The following PARD6G variants were observed in gnomAD, a reference collection of about 807,000 sequenced individuals.
PARD6G encodes the protein partitioning defective 6 homolog gamma.
In PARD6G, 7 loss-of-function variants were observed where a neutral mutation model predicts 10.7. The observed-to-expected ratio is 0.66, with a 90% CI of 0.37 to 1.23. PARD6G has a LOEUF of 1.23. Among genes scored for constraint, PARD6G ranks in the 50% most tolerant of loss-of-function variants. The pLI is 0.02. For missense variants in PARD6G, 548 were observed against 571.8 expected, an observed-to-expected ratio of 0.96 and a Z score of 0.42; for synonymous variants, 287 against 269.4, an observed-to-expected ratio of 1.07 and a Z score of -0.64.
rs140802714 is a variant in PARD6G, at chr18:80,232,482, C to G, written c.72+14795G>C. Among the ~76,000 whole-genome samples the G allele has an allele frequency of 4.1e-3, 617 of 152,178 alleles. 25 individuals are homozygous for G. Among genetic ancestry groups the G allele is most frequent in the Admixed American group, 0.038 (577 of 15,288 alleles). Reference sequence around the variant, plus strand: ...GAATCATGGTGGGAGGTGAAAGGCACTTCTTACATGGTGGCAGCAAGAAAA... The same window carrying G: ...GAATCATGGTGGGAGGTGAAAGGCAGTTCTTACATGGTGGCAGCAAGAAAA... On this transcript the variant is annotated intron_variant, in intron 1 of 2. Transcript: ENST00000353265.
At position 80,247,400 on chromosome 18, in the gene PARD6G, G is replaced by C. The variant is rs1225217296; in HGVS notation, c.-52C>G. The C allele has an allele frequency of 2.1e-6, 3 of 1,458,858 alleles. No individual in the cohort carries two copies. In the South Asian group the frequency reaches 3.9e-5, roughly 19 times the overall value. 90.4% of individuals were successfully genotyped at this position (1,458,858 alleles called of 1,614,324 possible). A position where few individuals can be genotyped will look rare whatever the true frequency, so the allele number is the denominator to read the frequency against. The stretch of plus-strand genomic sequence containing the variant: ...TCGCCCTCGCTCCTCAGGGGCCGCA[G>C]AAAGACTCCCGGGGGCGGCGCCCCC... On this transcript the variant is annotated 5_prime_UTR_variant, in exon 1 of 3. Transcript: ENST00000353265. The surrounding 1 kb of genome is among the most constrained non-coding windows in gnomAD (Gnocchi z 4.2).
At chr18:80,237,422 A>C (rs1279086094) in intron 1 of PARD6G, among the ~76,000 whole-genome samples, 2 of 152,234 alleles carry the variant, frequency 1.3e-5, no homozygotes, top group Admixed American at 6.5e-5. Flanking sequence ...AGGCAATACC[A>C]TTCAGGACAT....
rs763203466 is a variant in PARD6G at position 80,160,505 on chromosome 18, C to G, written c.397G>C (p.Asp133His). The G allele has an allele frequency of 6.5e-7, 1 of 1,541,672 alleles. No individual in the cohort carries two copies. The highest frequency in any genetic ancestry group is 8.7e-7 in the Non-Finnish European group (1 of 1,143,860). Reference protein sequence around the residue: ...DEGPRRRAHLDIGLPRDFRPV... With the variant: ...DEGPRRRAHLHIGLPRDFRPV... Reference sequence around the variant, plus strand: ...CGGAAGTCGCGCGGGAGGCCGATGTCCAGGTGTGCACGCCGCCGGGGTCCT... The same window carrying G: ...CGGAAGTCGCGCGGGAGGCCGATGTGCAGGTGTGCACGCCGCCGGGGTCCT... Residue 133 changes from aspartate to histidine, a missense_variant, in exon 3 of 3, where the codon GAC (aspartate) becomes CAC (histidine). Asp to His is a moderately conservative substitution (Grantham distance 81). Around this residue, in one of 2 missense-constraint regions of PARD6G, gnomAD observed 235 missense variants for 291.9 expected, o/e 0.81. Transcript: ENST00000353265.
In PARD6G at chr18:80,244,428, C is replaced by A. The variant is rs372787538; in HGVS notation, c.72+2849G>T. Among the ~76,000 whole-genome samples, 7 of 152,254 alleles carry A rather than the reference C, an allele frequency of 4.6e-5. No individual in the cohort carries two copies. In the South Asian group the frequency reaches 1.2e-3, roughly 27 times the overall value. ...GATCAAGACCATATGGCCCCTCGCG[C>A]ACACACACCAGGGTCCTGTCCCTAA... On this transcript the variant is annotated intron_variant, in intron 1 of 2. Coordinates refer to ENST00000353265, the MANE Select transcript of PARD6G (RefSeq NM_032510.4).
chr18:80,185,678 A>C (rs1340254507), intron 2 of PARD6G, among the ~76,000 whole-genome samples: 1 of 149,726 alleles, frequency 6.7e-6, no homozygotes, highest in African/African-American at 2.5e-5. Context: ...ACACCCTCAC[A>C]CATGCATACA....
intron 2 of PARD6G, among the ~76,000 whole-genome samples, chr18:80,199,205 C>T (rs1330452515): frequency 3.3e-5 from 5 of 152,204 alleles, no homozygotes; most frequent in African/African-American, 1.2e-4. Context: ...AGCCTCTGGT[C>T]ACAACATTTC....
intron 2 of PARD6G, among the ~76,000 whole-genome samples, chr18:80,196,911 A>G (rs897208462): frequency 6.6e-6 from 1 of 151,054 alleles, no homozygotes; most frequent in African/African-American, 2.4e-5. Flanking sequence ...AAAAAAAAAA[A>G]AAAAAAGAAA....
At chr18:80,223,753 G>C (rs1322513410) in intron 1 of PARD6G, among the ~76,000 whole-genome samples, 1 of 152,226 alleles carries the variant, frequency 6.6e-6, no homozygotes, top group African/African-American at 2.4e-5. Context: ...GGCACCAGCA[G>C]GCACTCAGTG....
Position 80,183,511 on chromosome 18 carries a change from C to T in PARD6G, c.295+19199G>A, listed in dbSNP as rs780833072. Among the ~76,000 whole-genome samples, 9 of 152,212 alleles carry T rather than the reference C, an allele frequency of 5.9e-5. No individual in the cohort carries two copies. In the South Asian group the frequency reaches 6.2e-4, roughly 11 times the overall value. On this transcript the variant is annotated intron_variant, in intron 2 of 2. Transcript: ENST00000353265. This position sits in a 1 kb window ranked among gnomAD's most constrained non-coding sequence, Gnocchi z 4.5. The stretch of plus-strand genomic sequence containing the variant: ...AGGCTCAGCACGTGATCCTGCCGGT[C>T]GTACACACAGCCCCAGCTCGAGCAC...
chr18:80,242,816 A>T (rs1481532252), intron 1 of PARD6G, among the ~76,000 whole-genome samples: 1 of 152,262 alleles, frequency 6.6e-6, no homozygotes, highest in Non-Finnish European at 1.5e-5. Flanking sequence ...CTAATAACTT[A>T]AGAGATACAA....
In PARD6G at chr18:80,195,579, AT is replaced by A. The variant is rs538068005; in HGVS notation, c.295+7130del. On this transcript the variant is annotated intron_variant, in intron 2 of 2. Transcript: ENST00000353265. Reference sequence around the variant, plus strand: ...TATATATATATATATATATACACACATTTTTTTTTCTTTTTTTTTCTGACCA... The same window carrying A: ...TATATATATATATATATATACACACATTTTTTTTCTTTTTTTTTCTGACCA... Among the ~76,000 whole-genome samples the A allele has an allele frequency of 1.2e-3, 160 of 135,824 alleles. 1 individual carries two copies. Among genetic ancestry groups the A allele is most frequent in the African/African-American group, 4.2e-3 (151 of 36,258 alleles). 89.1% of individuals were successfully genotyped at this position (135,824 alleles called of 152,430 possible).
chr18:80,186,623 C>T (rs1599855879), intron 2 of PARD6G, among the ~76,000 whole-genome samples: 1 of 152,050 alleles, frequency 6.6e-6, no homozygotes, highest in East Asian at 1.9e-4. Flanking sequence ...CACGTGCACT[C>T]ATAGCTGCTG....
chr18:80,223,423 C>G (rs1364357775), intron 1 of PARD6G, among the ~76,000 whole-genome samples: 3 of 152,052 alleles, frequency 2.0e-5, no homozygotes, highest in South Asian at 4.1e-4. Flanking sequence ...TCTTAAAACT[C>G]TATAATAAAA....
rs1599852932 is a variant in PARD6G at position 80,181,395 on chromosome 18, T to C, written c.296-20789A>G. On this transcript the variant is annotated intron_variant, in intron 2 of 2. Coordinates refer to ENST00000353265, the MANE Select transcript of PARD6G (RefSeq NM_032510.4). This position sits in a 1 kb window ranked among gnomAD's most constrained non-coding sequence, Gnocchi z 7.9. Reference sequence around the variant, plus strand: ...TCACGCTCTGGGCACCGGGGGACCCTGCGTGCTTGGGTGCATTGCACACCC... The same window carrying C: ...TCACGCTCTGGGCACCGGGGGACCCCGCGTGCTTGGGTGCATTGCACACCC... 1.3e-5 allele frequency among the ~76,000 whole-genome samples: 2 copies of C among 152,242 alleles called. No homozygotes were observed. Among genetic ancestry groups the C allele is most frequent in the East Asian group, 3.9e-4 (2 of 5,166 alleles).
intron 1 of PARD6G, among the ~76,000 whole-genome samples, chr18:80,216,350 T>C (rs911250266): frequency 5.9e-5 from 9 of 152,130 alleles, no homozygotes; most frequent in African/African-American, 2.2e-4. Flanking sequence ...AAACATTCTC[T>C]AGGATAGACC....
At chr18:80,243,305 G>A (rs777390799) in intron 1 of PARD6G, among the ~76,000 whole-genome samples, 43 of 152,176 alleles carry the variant, frequency 2.8e-4, no homozygotes, top group Non-Finnish European at 5.0e-4. Context: ...AAAAACACTC[G>A]CAATACATGA....
intron 1 of PARD6G, among the ~76,000 whole-genome samples, chr18:80,204,417 G>C (rs551047843): frequency 6.6e-6 from 1 of 152,076 alleles, no homozygotes; most frequent in African/African-American, 2.4e-5. Flanking sequence ...CTATTGATCT[G>C]GGGACCACAC....
At chr18:80,190,045 A>T (rs1352720317) in intron 2 of PARD6G, among the ~76,000 whole-genome samples, 1 of 152,182 alleles carries the variant, frequency 6.6e-6, no homozygotes, top group Non-Finnish European at 1.5e-5. Flanking sequence ...CATCCCAAGG[A>T]TATGACTTTC....
rs576414030 is a variant in PARD6G at position 80,169,054 on chromosome 18, A to G, written c.296-8448T>C. ...CCTTCTCTCGGATGGAGCCTGTCCA[A>G]CTGCACTCTGGGGAAGGGAGAGAAA... On this transcript the variant is annotated intron_variant, in intron 2 of 2. Coordinates refer to ENST00000353265, the MANE Select transcript of PARD6G (RefSeq NM_032510.4). The G allele has an allele frequency of 5.1e-3, 870 of 169,312 alleles. 6 individuals are homozygous for G. Among genetic ancestry groups the G allele is most frequent in the Non-Finnish European group, 8.4e-3 (574 of 68,288 alleles). The allele number at this position is 169,312 out of a possible 1,614,324, so 10.5% of individuals were successfully genotyped here. A position where few individuals can be genotyped will look rare whatever the true frequency, so the allele number is the denominator to read the frequency against.
Sources: allele counts gnomAD v4.1 joint callset (sites outside exome capture counted in the v4.1 genomes callset), GRCh38; gene constraint gnomAD v4.1.1; regional missense constraint gnomAD v4.1.1; non-coding constraint Gnocchi (gnomAD v3.1); transcripts MANE v1.5; gene names NCBI Gene and HGNC (gene_info 2026-07-23, HGNC 2026-07-21).